The following RPS6KA5 variants were observed in gnomAD, a reference collection of about 807,000 sequenced individuals.
RPS6KA5 encodes ribosomal protein S6 kinase A5.
RPS6KA5 carries 27 observed loss-of-function variants against 85.5 expected under a neutral mutation model. The observed-to-expected ratio is 0.32, with a 90% confidence interval of 0.23 to 0.44. RPS6KA5 has a LOEUF of 0.44. Ranked by LOEUF, RPS6KA5 falls within the 20% of genes least tolerant of loss-of-function variation. RPS6KA5 has a pLI of 1.00. For synonymous variants in RPS6KA5, 334 were observed against 348.2 expected (o/e 0.96, Z 0.46); for missense variants, 811 against 980.9 (o/e 0.83, Z 2.31).
At chr14:91,006,731 C>A (rs919482557) in intron 1 of RPS6KA5, among the ~76,000 whole-genome samples, 9 of 152,108 alleles carry the variant, frequency 5.9e-5, no homozygotes, top group Non-Finnish European at 1.0e-4. Context: ...TCCATTCTAA[C>A]CTTTTTTTTT....
intron 1 of RPS6KA5, among the ~76,000 whole-genome samples, chr14:91,021,813 T>C (rs2139796804): frequency 6.6e-6 from 1 of 152,330 alleles, no homozygotes; most frequent in Middle Eastern, 3.4e-3. Flanking sequence ...TTCTTTACTT[T>C]TCTTTTTCTT....
At chr14:90,978,705 G>A (rs1165594095) in intron 2 of RPS6KA5, among the ~76,000 whole-genome samples, 181 bp from the exon 3 acceptor site, 2 of 152,132 alleles carry the variant, frequency 1.3e-5, no homozygotes, top group East Asian at 3.9e-4. Context: ...TATATTTCTA[G>A]GTCTAACCCT....
chr14:90,945,716 T>C (rs965381997), intron 4 of RPS6KA5, among the ~76,000 whole-genome samples: 1 of 152,210 alleles, frequency 6.6e-6, no homozygotes, highest in Non-Finnish European at 1.5e-5. Context: ...TTCACATAAA[T>C]TAAAAACCGG....
intron 3 of RPS6KA5, among the ~76,000 whole-genome samples, chr14:90,964,172 T>A (rs1363563661): frequency 1.3e-5 from 2 of 152,176 alleles, no homozygotes; most frequent in Non-Finnish European, 2.9e-5. Flanking sequence ...ATGCTGCTTC[T>A]CCTGATAAAA....
intron 2 of RPS6KA5, among the ~76,000 whole-genome samples, chr14:90,998,007 GAA>G (rs58227226): frequency 1.5e-4 from 9 of 59,900 alleles, no homozygotes; most frequent in African/African-American, 5.8e-4. Flanking sequence ...GACTCTGTCT[GAA>G]AAAAAAAAAA....
intron 2 of RPS6KA5, among the ~76,000 whole-genome samples, chr14:90,998,629 G>C (rs1286519793): frequency 6.6e-6 from 1 of 152,186 alleles, no homozygotes; most frequent in Non-Finnish European, 1.5e-5. Flanking sequence ...TATTTTGAAA[G>C]CATGATTTCT....
chr14:90,953,678 G>A (rs534122502), intron 3 of RPS6KA5, among the ~76,000 whole-genome samples: 52 of 152,206 alleles, frequency 3.4e-4, no homozygotes, highest in African/African-American at 1.2e-3. Flanking sequence ...GCATTCCTGG[G>A]GTGAGGTCTA....
intron 2 of RPS6KA5, among the ~76,000 whole-genome samples, chr14:90,993,003 T>C (rs1197370467): frequency 6.6e-6 from 1 of 152,210 alleles, no homozygotes; most frequent in Admixed American, 6.5e-5. Context: ...CTTTACACAG[T>C]CAGTATGCTT....
In RPS6KA5 at chr14:91,020,614, T is replaced by TTGTGTGTGTGTGTGTGTG. The variant is rs71117396; in HGVS notation, c.104-19473_104-19456dup. ...TGTGTATGTGTATGTATATATCCTA[T>TTGTGTGTGTGTGTGTGTG]TGTGTGTGTGTGTGTGTGTGTGTGT... is the stretch of plus-strand genomic sequence containing the variant. On this transcript the variant is annotated intron_variant, in intron 1 of 16. Coordinates refer to ENST00000614987, the MANE Select transcript of RPS6KA5 (RefSeq NM_004755.4). Among the ~76,000 whole-genome samples the TTGTGTGTGTGTGTGTGTG allele has an allele frequency of 1.2e-4, 11 of 91,324 alleles. No individual in the cohort carries two copies. In the East Asian group the frequency reaches 2.2e-3, roughly 18 times the overall value. 59.9% of individuals were successfully genotyped at this position (91,324 alleles called of 152,430 possible).
At chr14:90,899,524 T>A (rs2035040070) in intron 11 of RPS6KA5, 102 bp from the exon 12 acceptor site, 2 of 750,300 alleles carry the variant, frequency 2.7e-6, no homozygotes, top group Non-Finnish European at 4.7e-6. Context: ...GCATTCAGAA[T>A]ATACATGTTA....
intron 4 of RPS6KA5, 87 bp from the exon 5 acceptor site, chr14:90,943,272 T>TTTA: frequency 4.0e-6 from 2 of 505,652 alleles, no homozygotes; most frequent in South Asian, 2.8e-5. Flanking sequence ...TATTTATTTA[T>TTTA]TTTTTTTTTT....
chr14:91,022,113 C>T (rs554923898), intron 1 of RPS6KA5, among the ~76,000 whole-genome samples: 3 of 152,242 alleles, frequency 2.0e-5, no homozygotes, highest in Non-Finnish European at 2.9e-5. Context: ...ATGTGGTATG[C>T]GTGTTTCATA....
chr14:90,933,574 T>C (rs906412459), intron 5 of RPS6KA5, among the ~76,000 whole-genome samples: 3 of 152,116 alleles, frequency 2.0e-5, no homozygotes, highest in Non-Finnish European at 2.9e-5. Flanking sequence ...ACTTCAACAG[T>C]TTTCTATCTG....
chr14:91,019,324 T>G (rs1229162111), intron 1 of RPS6KA5, among the ~76,000 whole-genome samples: 1 of 152,184 alleles, frequency 6.6e-6, no homozygotes, highest in Non-Finnish European at 1.5e-5. Flanking sequence ...GATTGCCCTC[T>G]ATAATGTGGG....
intron 16 of RPS6KA5, among the ~76,000 whole-genome samples, chr14:90,872,915 C>T (rs2033214317): frequency 6.6e-6 from 1 of 152,204 alleles, no homozygotes; most frequent in Non-Finnish European, 1.5e-5. Context: ...ACCTTGCAAC[C>T]TATGTCACTG....
At chr14:90,880,412 T>C (rs1426175663) in intron 14 of RPS6KA5, among the ~76,000 whole-genome samples, 1 of 152,226 alleles carries the variant, frequency 6.6e-6, no homozygotes, top group Non-Finnish European at 1.5e-5. Flanking sequence ...TTTAGCATAA[T>C]ATCCTCAATA....
At chr14:90,981,263 C>T (rs2039778297) in intron 2 of RPS6KA5, among the ~76,000 whole-genome samples, 2 of 152,152 alleles carry the variant, frequency 1.3e-5, no homozygotes, top group South Asian at 4.1e-4. Context: ...AAGAGTATCA[C>T]TCTTCTTCTA....
chr14:90,928,739 G>GAAAAAAAAAAAAAAA (rs199815422), intron 5 of RPS6KA5, among the ~76,000 whole-genome samples: 1 of 94,746 alleles, frequency 1.1e-5, no homozygotes, highest in Non-Finnish European at 2.3e-5. Flanking sequence ...CACTTAAAAT[G>GAAAAAAAAAAAAAAA]AAAAAAAAAA....
At chr14:90,876,423 C>G (rs574701702) in intron 14 of RPS6KA5, among the ~76,000 whole-genome samples, 20 of 152,316 alleles carry the variant, frequency 1.3e-4, no homozygotes, top group African/African-American at 4.3e-4. Context: ...GAATTATCTA[C>G]AGCCACCTGT....
Sources: allele counts gnomAD v4.1 joint callset (sites outside exome capture counted in the v4.1 genomes callset), GRCh38; gene constraint gnomAD v4.1.1; transcripts MANE v1.5; gene names NCBI Gene and HGNC (gene_info 2026-07-23, HGNC 2026-07-21).